Variants in TAFA1 observed in about 807,000 individuals in gnomAD.
The protein encoded by TAFA1 is chemokine-like protein TAFA-1.
A neutral mutation model predicts 18.5 loss-of-function variants in TAFA1; 4 were observed. The observed-to-expected ratio is 0.22, with a 90% CI of 0.11 to 0.49. The LOEUF is 0.49. Among genes scored for constraint, TAFA1 ranks in the 20% least tolerant of loss-of-function variants. The probability of loss-of-function intolerance (pLI) is 0.98; values close to 1 mark genes in which losing one functional copy is unlikely to be tolerated. For synonymous variants in TAFA1, 56 were observed against 55.2 expected, an observed-to-expected ratio of 1.01 and a Z score of -0.06; for missense variants, 147 against 169.0, an observed-to-expected ratio of 0.87 and a Z score of 0.72.
At chr3:68,267,807 A>G (rs1490614945) in intron 2 of TAFA1, among the ~76,000 whole-genome samples, 1 of 152,002 alleles carries the variant, frequency 6.6e-6, no homozygotes, top group Admixed American at 6.6e-5. Context: ...TTTTCCTGTA[A>G]GCACATTTTC....
chr3:68,188,923 C>G (rs2066305183), intron 2 of TAFA1, among the ~76,000 whole-genome samples: 1 of 151,754 alleles, frequency 6.6e-6, no homozygotes, highest in African/African-American at 2.4e-5. Context: ...CAGGTGTGCA[C>G]TTTGAATGGG....
chr3:68,249,532 C>A (rs1575706894), intron 2 of TAFA1, among the ~76,000 whole-genome samples: 2 of 152,160 alleles, frequency 1.3e-5, no homozygotes. Flanking sequence ...GGTGTTTCCC[C>A]AGAGGAAATT....
At chr3:68,187,782 C>T (rs12636238) in intron 2 of TAFA1, among the ~76,000 whole-genome samples, 22,032 of 151,954 alleles carry the variant, frequency 0.14, 1,907 homozygotes, top group Middle Eastern at 0.2. Flanking sequence ...ATCCCAGAAG[C>T]AATGTATGAT....
intron 2 of TAFA1, among the ~76,000 whole-genome samples, chr3:68,117,177 T>A (rs1297296763): frequency 1.3e-5 from 2 of 152,208 alleles, no homozygotes; most frequent in African/African-American, 4.8e-5. Context: ...AAACTTACTC[T>A]CCTCATTGCA....
At chr3:68,012,473 G>A (rs1387184460) in intron 2 of TAFA1, among the ~76,000 whole-genome samples, 1 of 152,164 alleles carries the variant, frequency 6.6e-6, no homozygotes, top group Non-Finnish European at 1.5e-5. Context: ...ACATTGCTGA[G>A]TGGAGAAAAC....
chr3:68,339,589 A>T (rs1011802882), intron 2 of TAFA1, among the ~76,000 whole-genome samples: 1 of 152,176 alleles, frequency 6.6e-6, no homozygotes, highest in African/African-American at 2.4e-5. Flanking sequence ...TAGAGCTGTG[A>T]CTTACAATCC....
At chr3:68,045,337 G>A (rs1375337198) in intron 2 of TAFA1, among the ~76,000 whole-genome samples, 1 of 152,146 alleles carries the variant, frequency 6.6e-6, no homozygotes, top group East Asian at 1.9e-4. Flanking sequence ...AATGTTCAGA[G>A]GTGGGGCATT....
chr3:68,512,467 G>T (rs775939550), intron 3 of TAFA1, among the ~76,000 whole-genome samples: 7 of 152,150 alleles, frequency 4.6e-5, no homozygotes, highest in Non-Finnish European at 7.4e-5. Flanking sequence ...TTACCATCTT[G>T]CATATGTACT....
In TAFA1 at chr3:68,526,066, G is replaced by T. The variant is rs143067512; in HGVS notation, c.260-12690G>T. 6.6e-3 allele frequency among the ~76,000 whole-genome samples: 1,006 copies of T among 152,222 alleles called. 10 individuals are homozygous for T. Among genetic ancestry groups the T allele is most frequent in the African/African-American group, 0.023 (962 of 41,530 alleles). On this transcript the variant is annotated intron_variant, in intron 3 of 4. Coordinates refer to ENST00000478136, the MANE Select transcript of TAFA1 (RefSeq NM_213609.4). ...TAGGATTTGGCTTCTAAGGCAATAG[G>T]TGAGTTCAGAGTTAAGAGACACTTC...
intron 2 of TAFA1, among the ~76,000 whole-genome samples, chr3:68,309,623 A>G (rs1019322355): frequency 1.3e-5 from 2 of 152,242 alleles, no homozygotes; most frequent in African/African-American, 4.8e-5. Flanking sequence ...CTATTTGTGC[A>G]TGAATAATTT....
At chr3:68,332,499 T>C (rs963304633) in intron 2 of TAFA1, among the ~76,000 whole-genome samples, 1 of 152,168 alleles carries the variant, frequency 6.6e-6, no homozygotes, top group Non-Finnish European at 1.5e-5. Flanking sequence ...AGAAAATATT[T>C]GCAAACCATG....
At chr3:68,527,938 T>C (rs1412244154) in intron 3 of TAFA1, among the ~76,000 whole-genome samples, 2 of 152,154 alleles carry the variant, frequency 1.3e-5, no homozygotes, top group African/African-American at 4.8e-5. Context: ...AGCACTAGAA[T>C]AGAATTTGTA....
intron 2 of TAFA1, among the ~76,000 whole-genome samples, chr3:68,061,912 T>A (rs1462474061): frequency 6.6e-6 from 1 of 152,084 alleles, no homozygotes; most frequent in Non-Finnish European, 1.5e-5. Flanking sequence ...TTATCCCTCA[T>A]CAAAGAGAAA....
rs977697458 is a variant in TAFA1 at position 68,258,603 on chromosome 3, C to T, written c.119-158677C>T. 4.6e-5 allele frequency among the ~76,000 whole-genome samples: 7 copies of T among 152,210 alleles called. No homozygotes were observed. In the East Asian group the frequency reaches 5.8e-4, roughly 13 times the overall value. On this transcript the variant is annotated intron_variant, in intron 2 of 4. Coordinates refer to ENST00000478136, the MANE Select transcript of TAFA1 (RefSeq NM_213609.4). ...AAGTGTTCAGAGAATAATTTCAAAT[C>T]GAAACTCCAGATAATGCTTATGCCA...
At chr3:68,216,791 G>A (rs954869269) in intron 2 of TAFA1, among the ~76,000 whole-genome samples, 4 of 152,030 alleles carry the variant, frequency 2.6e-5, no homozygotes, top group Non-Finnish European at 5.9e-5. Context: ...AAAGGGACAC[G>A]GGAACCAACT....
intron 2 of TAFA1, among the ~76,000 whole-genome samples, chr3:68,296,955 A>G (rs2068218306): frequency 6.6e-6 from 1 of 152,220 alleles, no homozygotes; most frequent in Non-Finnish European, 1.5e-5. Context: ...GGCTTCTATA[A>G]TTGAACTGAA....
rs533860195 is a variant in TAFA1, at chr3:68,430,771, T to C, written c.259+13351T>C. Among the ~76,000 whole-genome samples, 4 of 152,050 alleles carry C rather than the reference T, an allele frequency of 2.6e-5. No homozygotes were observed. In the East Asian group the frequency reaches 7.8e-4, roughly 30 times the overall value. Reference sequence around the variant, plus strand: ...CCTGAATGTCTCATTCACTCTCTACTCCCAACCGCTCACACTGCTACAAAG... The same window carrying C: ...CCTGAATGTCTCATTCACTCTCTACCCCCAACCGCTCACACTGCTACAAAG... On this transcript the variant is annotated intron_variant, in intron 3 of 4. Coordinates refer to ENST00000478136, the MANE Select transcript of TAFA1 (RefSeq NM_213609.4).
intron 2 of TAFA1, among the ~76,000 whole-genome samples, chr3:68,376,252 T>G (rs986877766): frequency 6.6e-6 from 1 of 152,142 alleles, no homozygotes; most frequent in Non-Finnish European, 1.5e-5. Flanking sequence ...TAGTTCTTTT[T>G]TTTTTTAACT....
intron 3 of TAFA1, among the ~76,000 whole-genome samples, chr3:68,446,375 C>T (rs2071473980): frequency 6.6e-6 from 1 of 152,082 alleles, no homozygotes; most frequent in African/African-American, 2.4e-5. Flanking sequence ...GTTTGCTGAT[C>T]CCTAGATAAA....
Sources: allele counts gnomAD v4.1 joint callset (sites outside exome capture counted in the v4.1 genomes callset), GRCh38; gene constraint gnomAD v4.1.1; transcripts MANE v1.5; gene names NCBI Gene and HGNC (gene_info 2026-07-23, HGNC 2026-07-21).